The following GSAP variants were observed in gnomAD, a reference collection of about 807,000 sequenced individuals.
GSAP encodes the protein gamma-secretase-activating protein.
GSAP carries 118 observed loss-of-function variants against 131.7 expected under a neutral mutation model. That is an observed-to-expected ratio of 0.90 (90% CI 0.77 to 1.04). GSAP has a LOEUF of 1.04. Ranked by LOEUF, GSAP falls within the 50% of genes least tolerant of loss-of-function variation. The pLI is 0.00. For synonymous variants in GSAP, 381 were observed against 363.4 expected (o/e 1.05, Z -0.55); for missense variants, 1,019 against 1,013.2 (o/e 1.01, Z -0.08).
chr7:77,328,437 G>T (rs1788624249), intron 22 of GSAP, 169 bp downstream of exon 22: 16 of 1,346,200 alleles, frequency 1.2e-5, no homozygotes, highest in Non-Finnish European at 1.5e-5. Context: ...TGCCTAGACA[G>T]ACATGGGAAG....
intron 15 of GSAP, 24 bp downstream of exon 15, chr7:77,355,531 A>G (rs768733637): frequency 1.4e-5 from 22 of 1,569,810 alleles, no homozygotes; most frequent in Middle Eastern, 1.7e-4. Context: ...GGCCACCTCT[A>G]CAAGAGAAAA....
intron 6 of GSAP, among the ~76,000 whole-genome samples, chr7:77,383,500 A>C (rs1005511461): frequency 1.3e-5 from 2 of 152,198 alleles, no homozygotes; most frequent in Non-Finnish European, 2.9e-5. Context: ...ATGGTGCCAC[A>C]TGAGTTGAGA....
At chr7:77,375,944 T>A (rs557447242) in intron 10 of GSAP, among the ~76,000 whole-genome samples, 7 of 152,268 alleles carry the variant, frequency 4.6e-5, no homozygotes, top group South Asian at 2.1e-4. Context: ...AATCTTTTTT[T>A]AAAAAATTCA....
At chr7:77,359,889 TATA>T (rs1427074928) in intron 14 of GSAP, among the ~76,000 whole-genome samples, 1 of 152,200 alleles carries the variant, frequency 6.6e-6, no homozygotes, top group Non-Finnish European at 1.5e-5. Flanking sequence ...GGAAACCTTC[TATA>T]ATATTTCTCT....
intron 3 of GSAP, among the ~76,000 whole-genome samples, chr7:77,397,904 A>G (rs996186271): frequency 5.9e-5 from 9 of 152,192 alleles, no homozygotes; most frequent in African/African-American, 1.9e-4. Flanking sequence ...AGTAATCATT[A>G]GTTTTCTTAG....
chr7:77,363,042 T>C (rs1248251969), intron 12 of GSAP, among the ~76,000 whole-genome samples: 1 of 152,212 alleles, frequency 6.6e-6, no homozygotes, highest in African/African-American at 2.4e-5. Flanking sequence ...TGAACACCAG[T>C]TTATCAAAAA....
intron 11 of GSAP, 108 bp downstream of exon 11, chr7:77,374,950 C>T (rs1051331262): frequency 5.5e-6 from 3 of 549,822 alleles, no homozygotes; most frequent in Non-Finnish European, 6.4e-6. Flanking sequence ...AAGATGCACA[C>T]AGAATATCAA....
Position 77,360,893 on chromosome 7 carries a change from T to C in GSAP, c.958A>G (p.Lys320Glu), listed in dbSNP as rs1794435835. ...SVFYIHKGHS[K>E]TFTTSLENVG... ...TTCTCAAGAGAAGTGGTGAAGGTCT[T>C]GCTGTGTCCTGCAAAGAGAGAATAT... The change falls in exon 14 of 31, where the codon AAG becomes GAG. Residue 320 changes from lysine (K) to glutamate (E), a missense_variant. Physicochemically the swap from Lys to Glu is moderately conservative, Grantham distance 56. Coordinates refer to ENST00000257626, the MANE Select transcript of GSAP (RefSeq NM_017439.4). 1.3e-6 allele frequency: 2 copies of C among 1,585,342 alleles called. No individual in the cohort carries two copies. Among genetic ancestry groups the C allele is most frequent in the South Asian group, 2.2e-5 (2 of 90,420 alleles).
chr7:77,384,775 TG>T (rs2151056823), intron 6 of GSAP, among the ~76,000 whole-genome samples: 1 of 152,194 alleles, frequency 6.6e-6, no homozygotes, highest in East Asian at 1.9e-4. Context: ...TGGATGTTTT[TG>T]TAAGAAAAAG....
At chr7:77,319,314 C>T (rs1442272354) in intron 26 of GSAP, among the ~76,000 whole-genome samples, 1 of 152,106 alleles carries the variant, frequency 6.6e-6, no homozygotes, top group Non-Finnish European at 1.5e-5. Context: ...CATCACTAAT[C>T]ATCAGGGAAA....
upstream of GSAP, chr7:77,416,481 C>T (rs1014291248): frequency 7.0e-6 from 3 of 427,732 alleles, no homozygotes; most frequent in African/African-American, 4.1e-5. Flanking sequence ...TGAGAAGCTC[C>T]GGCACCAGCT....
intron 19 of GSAP, among the ~76,000 whole-genome samples, chr7:77,334,217 T>C (rs1342922751): frequency 6.6e-6 from 1 of 152,130 alleles, no homozygotes; most frequent in African/African-American, 2.4e-5. Flanking sequence ...ATGTGGTACA[T>C]ATACACCGTG....
At chr7:77,351,357 C>A (rs1018783669) in intron 18 of GSAP, 3 of 956,322 alleles carry the variant, frequency 3.1e-6, no homozygotes, top group Non-Finnish European at 3.7e-6. Context: ...TTAAAAAATC[C>A]AAGTCAGTTG....
At chr7:77,374,963 T>A (rs1796635738) in intron 11 of GSAP, 95 bp downstream of exon 11, 1 of 593,860 alleles carries the variant, frequency 1.7e-6, no homozygotes. Context: ...AATATCAAAC[T>A]CTCTTTTTAT....
chr7:77,338,091 G>A (rs1473662447), intron 19 of GSAP, among the ~76,000 whole-genome samples: 3 of 152,152 alleles, frequency 2.0e-5, no homozygotes, highest in African/African-American at 7.2e-5. Flanking sequence ...CTTATGCCCA[G>A]GAGGTCGAGG....
intron 2 of GSAP, among the ~76,000 whole-genome samples, chr7:77,405,125 T>C (rs1167688016): frequency 6.6e-6 from 1 of 152,248 alleles, no homozygotes; most frequent in African/African-American, 2.4e-5. Context: ...CTTAGAACAC[T>C]TGACATTGAA....
At chr7:77,388,609 C>A (rs1315418173) in intron 5 of GSAP, among the ~76,000 whole-genome samples, 1 of 152,136 alleles carries the variant, frequency 6.6e-6, no homozygotes. Context: ...TATATTTGAG[C>A]TTTTATTGAG....
intron 3 of GSAP, among the ~76,000 whole-genome samples, chr7:77,397,946 T>C (rs1433512406): frequency 2.0e-5 from 3 of 152,188 alleles, no homozygotes; most frequent in Admixed American, 2.0e-4. Context: ...CCATAGGCCT[T>C]TCATATTTAG....
At position 77,311,881 on chromosome 7, in the gene GSAP, G is replaced by A. The variant is rs1794406983; in HGVS notation, c.2433C>T (p.Tyr811=). 1.9e-6 allele frequency: 3 copies of A among 1,598,206 alleles called. No homozygotes were observed. The highest frequency in any genetic ancestry group is 2.6e-6 in the Non-Finnish European group (3 of 1,165,588). The change falls in exon 30 of 31, where the codon TAC becomes TAT. Residue 811 remains tyrosine (Y), a synonymous_variant. Coordinates refer to ENST00000257626, the MANE Select transcript of GSAP (RefSeq NM_017439.4). ...SFSVEFLPLN[Y]FIEILTDIES... ...CTATATCTGTCAGAATTTCAATGAA[G>A]TAGTTCAGAGGCAGAAATTCTACAC...
Sources: gnomAD v4.1 joint callset for allele counts (sites outside exome capture counted in the v4.1 genomes callset) on GRCh38, gnomAD v4.1.1 for gene constraint, MANE v1.5 for transcripts, NCBI Gene and HGNC (gene_info 2026-07-23, HGNC 2026-07-21) for gene names.